Variants in DACH1 observed in about 807,000 individuals in gnomAD.
DACH1 encodes the protein dachshund homolog 1.
DACH1 carries 12 observed loss-of-function variants against 54.2 expected under a neutral mutation model. The ratio of observed to expected loss-of-function variants is 0.22; its 90% CI spans 0.14 to 0.36. The LOEUF is 0.36. DACH1 is among the 10% of genes least tolerant of loss of function. The probability of loss-of-function intolerance (pLI) is 1.00; values close to 1 mark genes in which losing one functional copy is unlikely to be tolerated. For missense variants in DACH1, 805 were observed against 929.8 expected, an observed-to-expected ratio of 0.87 and a Z score of 1.75; for synonymous variants, 386 against 366.2, an observed-to-expected ratio of 1.05 and a Z score of -0.62.
intron 1 of DACH1, among the ~76,000 whole-genome samples, chr13:71,722,523 A>G (rs986919962): frequency 6.6e-6 from 1 of 152,194 alleles, no homozygotes; most frequent in Non-Finnish European, 1.5e-5. Context: ...TCCGGATAAT[A>G]ATACTTGAAA....
At position 71,683,988 on chromosome 13, in the gene DACH1, C is replaced by T. The variant is rs770785799; in HGVS notation, c.849-2078G>A. On this transcript the variant is annotated intron_variant, in intron 1 of 10. Coordinates refer to ENST00000613252, the MANE Select transcript of DACH1 (RefSeq NM_080759.6). ...CCTATTTTGCTTTCCCCTGGTTCAG[C>T]GAAATGGAATCCAACCGACTAAGCC... 5.3e-5 allele frequency among the ~76,000 whole-genome samples: 8 copies of T among 152,060 alleles called. No homozygotes were observed. The South Asian group carries it at 6.2e-4, about 12-fold the overall frequency.
At chr13:71,589,126 T>C (rs1313457204) in intron 3 of DACH1, among the ~76,000 whole-genome samples, 2 of 152,044 alleles carry the variant, frequency 1.3e-5, no homozygotes, top group African/African-American at 4.8e-5. Context: ...CAAAAATTTC[T>C]TTATCATACT....
chr13:71,464,668 G>A, intron 10 of DACH1: 1 of 445,780 alleles, frequency 2.2e-6, no homozygotes, highest in Non-Finnish European at 4.5e-6. Flanking sequence ...TGCTTTTTTT[G>A]CTTCAGTGAG....
intron 6 of DACH1, among the ~76,000 whole-genome samples, chr13:71,552,842 TAGAGAGAGAGAGAG>T (rs1167871695): frequency 4.8e-4 from 6 of 12,536 alleles, no homozygotes; most frequent in East Asian, 2.1e-3. Flanking sequence ...TATATATATA[TAGAGAGAGAGAGAG>T]AGAGAGAGAG....
intron 3 of DACH1, among the ~76,000 whole-genome samples, chr13:71,598,711 G>A (rs1874287813): frequency 6.6e-6 from 1 of 152,092 alleles, no homozygotes; most frequent in Admixed American, 6.5e-5. Context: ...CTCTGTATTC[G>A]AAAATTTATA....
chr13:71,585,301 C>G (rs917636065), intron 3 of DACH1, among the ~76,000 whole-genome samples: 4 of 152,030 alleles, frequency 2.6e-5, no homozygotes, highest in Non-Finnish European at 4.4e-5. Flanking sequence ...CACATGTAAG[C>G]ATGTGTGTTG....
chr13:71,642,449 C>T (rs553623965), intron 2 of DACH1, among the ~76,000 whole-genome samples: 3 of 152,264 alleles, frequency 2.0e-5, no homozygotes. Flanking sequence ...TCTACAAGTA[C>T]GTATATCTCT....
intron 1 of DACH1, among the ~76,000 whole-genome samples, chr13:71,783,715 C>T (rs1439898991): frequency 6.6e-6 from 1 of 151,952 alleles, no homozygotes; most frequent in Non-Finnish European, 1.5e-5. Context: ...CTATGGTATA[C>T]TTAACTCTTG....
At chr13:71,644,129 T>C (rs1053925033) in intron 2 of DACH1, among the ~76,000 whole-genome samples, 2 of 152,194 alleles carry the variant, frequency 1.3e-5, no homozygotes, top group Non-Finnish European at 2.9e-5. Context: ...CCTTATAATC[T>C]TGTCATTATT....
At chr13:71,807,449 A>G (rs905534598) in intron 1 of DACH1, among the ~76,000 whole-genome samples, 1 of 149,182 alleles carries the variant, frequency 6.7e-6, no homozygotes, top group African/African-American at 2.5e-5. Flanking sequence ...AATCCTCAAT[A>G]TGTAAAAATA....
chr13:71,644,157 G>A (rs1205428053), intron 2 of DACH1, among the ~76,000 whole-genome samples: 1 of 152,092 alleles, frequency 6.6e-6, no homozygotes, highest in Admixed American at 6.5e-5. Flanking sequence ...GTCAACTGTA[G>A]TTTTGATATT....
At chr13:71,668,908 A>T (rs937713292) in intron 2 of DACH1, among the ~76,000 whole-genome samples, 1 of 152,122 alleles carries the variant, frequency 6.6e-6, no homozygotes, top group Non-Finnish European at 1.5e-5. Flanking sequence ...CTGTACAACA[A>T]GAACAAAACT....
intron 10 of DACH1, among the ~76,000 whole-genome samples, chr13:71,448,037 A>G (rs1593707905): frequency 1.3e-5 from 2 of 152,330 alleles, no homozygotes; most frequent in East Asian, 1.9e-4. Flanking sequence ...ATCCACAAGG[A>G]TCTTTTACAC....
rs1046023051 is a variant in DACH1 at position 71,763,274 on chromosome 13, C to T, written c.849-81364G>A. Among the ~76,000 whole-genome samples, 20 of 152,244 alleles carry T rather than the reference C, an allele frequency of 1.3e-4. No individual in the cohort carries two copies. In the South Asian group the frequency reaches 1.5e-3, roughly 11 times the overall value. On this transcript the variant is annotated intron_variant, in intron 1 of 10. Coordinates refer to ENST00000613252, the MANE Select transcript of DACH1 (RefSeq NM_080759.6). Reference sequence around the variant, plus strand: ...AAATTCAGGTTTATATCATTGGTCACGTATCAAAGTCACTTTTGAAATTCA... The same window carrying T: ...AAATTCAGGTTTATATCATTGGTCATGTATCAAAGTCACTTTTGAAATTCA...
intron 1 of DACH1, among the ~76,000 whole-genome samples, chr13:71,732,150 C>T (rs991629151): frequency 2.0e-5 from 3 of 152,110 alleles, no homozygotes; most frequent in Admixed American, 1.3e-4. Flanking sequence ...ATATGAAAGA[C>T]GACTTATTTT....
chr13:71,836,670 C>A (rs923639229), intron 1 of DACH1, among the ~76,000 whole-genome samples: 7 of 152,020 alleles, frequency 4.6e-5, no homozygotes, highest in African/African-American at 1.7e-4. Context: ...TGTTAAAATG[C>A]CTTTGAGCTC....
In DACH1 at chr13:71,866,993, C is replaced by T; in HGVS notation, c.-224G>A. 2.9e-6 allele frequency: 1 copy of T among 343,350 alleles called. No individual in the cohort carries two copies. The allele number at this position is 343,350 out of a possible 1,614,324, so 21.3% of individuals were successfully genotyped here. A position where few individuals can be genotyped will look rare whatever the true frequency, so the allele number is the denominator to read the frequency against. ...GCACGAGAGGCGCTCTGGAGAGGAA[C>T]GCACAAAAGTGTCCCGCAAGTCGAA... is the stretch of plus-strand genomic sequence containing the variant. On this transcript the variant is annotated 5_prime_UTR_variant, in exon 1 of 11. Coordinates refer to ENST00000613252, the MANE Select transcript of DACH1 (RefSeq NM_080759.6).
At chr13:71,590,131 G>A (rs1873589565) in intron 3 of DACH1, among the ~76,000 whole-genome samples, 1 of 151,928 alleles carries the variant, frequency 6.6e-6, no homozygotes, top group Non-Finnish European at 1.5e-5. Context: ...AAAACATAAA[G>A]CATTCTTGGG....
At chr13:71,862,709 C>T (rs565597571) in intron 1 of DACH1, among the ~76,000 whole-genome samples, 6 of 152,074 alleles carry the variant, frequency 3.9e-5, no homozygotes, top group South Asian at 4.2e-4. Context: ...TAAAACCACT[C>T]GAAGGTTTGC....
Sources: gnomAD v4.1 joint callset for allele counts (sites outside exome capture counted in the v4.1 genomes callset) on GRCh38, gnomAD v4.1.1 for gene constraint, MANE v1.5 for transcripts, NCBI Gene and HGNC (gene_info 2026-07-23, HGNC 2026-07-21) for gene names.